FOXRED1: variants seen among roughly 807,000 people sequenced by gnomAD.
FOXRED1 encodes FAD-dependent oxidoreductase domain-containing protein 1.
In FOXRED1, 52 loss-of-function variants were observed where a neutral mutation model predicts 57.8. The ratio of observed to expected loss-of-function variants is 0.90; its 90% confidence interval spans 0.72 to 1.13. The LOEUF is 1.13. FOXRED1 is among the 50% of genes most tolerant of loss of function. The pLI is 0.00. For missense variants in FOXRED1, 589 were observed against 625.2 expected (o/e 0.94, Z 0.62); for synonymous variants, 271 against 248.3 (o/e 1.09, Z -0.86).
At position 126,277,364 on chromosome 11, in the gene FOXRED1, G is replaced by A; in HGVS notation, c.1207-71G>A. 6.4e-7 allele frequency: 1 copy of A among 1,566,628 alleles called. No individual in the cohort carries two copies. The highest frequency in any genetic ancestry group is 8.8e-7 in the Non-Finnish European group (1 of 1,138,480). On this transcript the variant is annotated intron_variant, in intron 10 of 10. Coordinates refer to ENST00000263578, the MANE Select transcript of FOXRED1 (RefSeq NM_017547.4). This position sits in a 1 kb window ranked among gnomAD's most constrained non-coding sequence, Gnocchi z 6.8. Reference sequence around the variant, plus strand: ...GCAGGTAGAGGGTACTCTGTGCTGAGCCCTGAGGGGAGTGAGGATGGAGTG... The same window carrying A: ...GCAGGTAGAGGGTACTCTGTGCTGAACCCTGAGGGGAGTGAGGATGGAGTG...
chr11:126,273,685 C>T lies in FOXRED1; in HGVS notation c.536+231C>T. 1.8e-6 allele frequency: 1 copy of T among 560,734 alleles called. No homozygotes were observed. Among genetic ancestry groups the T allele is most frequent in the Non-Finnish European group, 3.3e-6 (1 of 307,258 alleles). 34.7% of individuals were successfully genotyped at this position (560,734 alleles called of 1,614,324 possible). ...CTAATTTGTCAGATCATGAAAACCACCTGGAACACATCCCAGACCTAATAA... is the reference window on the plus strand; with the variant it reads ...CTAATTTGTCAGATCATGAAAACCATCTGGAACACATCCCAGACCTAATAA... On this transcript the variant is annotated intron_variant, in intron 4 of 10. Coordinates refer to ENST00000263578, the MANE Select transcript of FOXRED1 (RefSeq NM_017547.4). The surrounding 1 kb of genome is among the most constrained non-coding windows in gnomAD (Gnocchi z 5.9).
chr11:126,277,537 T>A lies in FOXRED1; in HGVS notation c.1309T>A (p.Phe437Ile). ...LVVNMYFATG[F>I]SGHGLQQAPG... The stretch of plus-strand genomic sequence containing the variant: ...TGTCAACATGTACTTTGCTACTGGC[T>A]TCAGTGGTCACGGGCTCCAGCAGGC... The change falls in exon 11 of 11, where the codon TTC becomes ATC. Residue 437 changes from phenylalanine (F) to isoleucine (I), a missense_variant. Phe to Ile is a conservative substitution (Grantham distance 21). Transcript: ENST00000263578. The surrounding 1 kb of genome is among the most constrained non-coding windows in gnomAD (Gnocchi z 6.8). 1 of 1,613,738 alleles carries A rather than the reference T, an allele frequency of 6.2e-7. No homozygotes were observed. The highest frequency in any genetic ancestry group is 8.5e-7 in the Non-Finnish European group (1 of 1,180,014).
Position 126,275,257 on chromosome 11 carries a change from G to A in FOXRED1, c.632-70G>A. The A allele has an allele frequency of 8.5e-7, 1 of 1,180,390 alleles. No individual in the cohort carries two copies. The highest frequency in any genetic ancestry group is 1.3e-6 in the Non-Finnish European group (1 of 785,626). The allele number at this position is 1,180,390 out of a possible 1,614,324, so 73.1% of individuals were successfully genotyped here. A position where few individuals can be genotyped will look rare whatever the true frequency, so the allele number is the denominator to read the frequency against. On this transcript the variant is annotated intron_variant, in intron 5 of 10. Coordinates refer to ENST00000263578, the MANE Select transcript of FOXRED1 (RefSeq NM_017547.4). This position sits in a 1 kb window ranked among gnomAD's most constrained non-coding sequence, Gnocchi z 5.9. ...TACAAGCCCTAGAGAGGGGTTGGGG[G>A]GCACAGGAAATACAATCCAAGAGCA...
At position 126,277,914 on chromosome 11, in the gene FOXRED1, T is replaced by G; in HGVS notation, c.*225T>G. 1 of 677,950 alleles carries G rather than the reference T, an allele frequency of 1.5e-6. No homozygotes were observed. The highest frequency in any genetic ancestry group is 2.7e-6 in the Non-Finnish European group (1 of 371,500). 42.0% of individuals were successfully genotyped at this position (677,950 alleles called of 1,614,324 possible). ...GATCCTAGGACTGATCTGTAGCCCA[T>G]GCTGATGTCACCCACCAGGGCAATC... On this transcript the variant is annotated 3_prime_UTR_variant, in exon 11 of 11. Coordinates refer to ENST00000263578, the MANE Select transcript of FOXRED1 (RefSeq NM_017547.4). This position sits in a 1 kb window ranked among gnomAD's most constrained non-coding sequence, Gnocchi z 6.8.
chr11:126,275,097 G>A lies in FOXRED1; in HGVS notation c.631+76G>A, dbSNP rs781217112. 2.0e-5 allele frequency: 20 copies of A among 1,013,382 alleles called. No homozygotes were observed. Among genetic ancestry groups the A allele is most frequent in the Non-Finnish European group, 2.8e-5 (18 of 638,204 alleles). The allele number at this position is 1,013,382 out of a possible 1,614,324, so 62.8% of individuals were successfully genotyped here. A position where few individuals can be genotyped will look rare whatever the true frequency, so the allele number is the denominator to read the frequency against. On this transcript the variant is annotated intron_variant, in intron 5 of 10. Coordinates refer to ENST00000263578, the MANE Select transcript of FOXRED1 (RefSeq NM_017547.4). This position sits in a 1 kb window ranked among gnomAD's most constrained non-coding sequence, Gnocchi z 5.9. ...AGGGGTGCTACACGTTGGGAGTCTCGGTACTCCACAGCCAAGCTGAAGGAG... is the reference window on the plus strand; with the variant it reads ...AGGGGTGCTACACGTTGGGAGTCTCAGTACTCCACAGCCAAGCTGAAGGAG...
At position 126,277,489 on chromosome 11, in the gene FOXRED1, G is replaced by T. The variant is rs199542988; in HGVS notation, c.1261G>T (p.Val421Leu). ...CTACAACACCTTTGACCAGAATGGC[G>T]TGGTGGGCCCCCACCCGCTAGTTGT... ...YDYNTFDQNG[V>L]VGPHPLVVNM... is the part of the protein sequence containing the mutation. Residue 421 changes from valine to leucine, a missense_variant, in exon 11 of 11, where the codon GTG becomes TTG. Coordinates refer to ENST00000263578, the MANE Select transcript of FOXRED1 (RefSeq NM_017547.4). This position sits in a 1 kb window ranked among gnomAD's most constrained non-coding sequence, Gnocchi z 6.8. 7.4e-6 allele frequency: 12 copies of T among 1,613,542 alleles called. No individual in the cohort carries two copies. Among genetic ancestry groups the T allele is most frequent in the South Asian group, 1.1e-5 (1 of 91,086 alleles).
Position 126,277,341 on chromosome 11 carries a change from A to C in FOXRED1, c.1207-94A>C. On this transcript the variant is annotated intron_variant, in intron 10 of 10. Coordinates refer to ENST00000263578, the MANE Select transcript of FOXRED1 (RefSeq NM_017547.4). The surrounding 1 kb of genome is among the most constrained non-coding windows in gnomAD (Gnocchi z 6.8). The stretch of plus-strand genomic sequence containing the variant: ...CCCATCCCATAGACCCCTCAGCAGC[A>C]GGTAGAGGGTACTCTGTGCTGAGCC... 1.4e-6 allele frequency: 2 copies of C among 1,436,512 alleles called. No individual in the cohort carries two copies. Among genetic ancestry groups the C allele is most frequent in the Middle Eastern group, 1.8e-4 (1 of 5,418 alleles). The allele number at this position is 1,436,512 out of a possible 1,614,324, so 89.0% of individuals were successfully genotyped here. A position where few individuals can be genotyped will look rare whatever the true frequency, so the allele number is the denominator to read the frequency against.
rs779912504 is a variant in FOXRED1, at chr11:126,277,614, G to A, written c.1386G>A (p.Gln462=). 9.9e-6 allele frequency: 16 copies of A among 1,613,768 alleles called. No individual in the cohort carries two copies. Among genetic ancestry groups the A allele is most frequent in the Non-Finnish European group, 1.4e-5 (16 of 1,179,972 alleles). ...VAEMVLKGRF[Q]TIDLSPFLFT... Reference sequence around the variant, plus strand: ...AGATGGTACTGAAGGGCAGGTTCCAGACCATCGACCTGAGCCCCTTCCTCT... The same window carrying A: ...AGATGGTACTGAAGGGCAGGTTCCAAACCATCGACCTGAGCCCCTTCCTCT... The change falls in exon 11 of 11, where the codon CAG becomes CAA. Residue 462 remains glutamine (Q), a synonymous_variant. Coordinates refer to ENST00000263578, the MANE Select transcript of FOXRED1 (RefSeq NM_017547.4). The surrounding 1 kb of genome is among the most constrained non-coding windows in gnomAD (Gnocchi z 6.8).
Position 126,277,331 on chromosome 11 carries a change from C to T in FOXRED1, c.1207-104C>T. On this transcript the variant is annotated intron_variant, in intron 10 of 10. Coordinates refer to ENST00000263578, the MANE Select transcript of FOXRED1 (RefSeq NM_017547.4). This position sits in a 1 kb window ranked among gnomAD's most constrained non-coding sequence, Gnocchi z 6.8. ...TTGGACACATCCCATCCCATAGACC[C>T]CTCAGCAGCAGGTAGAGGGTACTCT... The T allele has an allele frequency of 2.8e-6, 4 of 1,408,740 alleles. No individual in the cohort carries two copies. The highest frequency in any genetic ancestry group is 1.4e-5 in the African/African-American group (1 of 71,140). The allele number at this position is 1,408,740 out of a possible 1,614,324, so 87.3% of individuals were successfully genotyped here.
chr11:126,271,374 T>G lies in FOXRED1; in HGVS notation c.86-63T>G. On this transcript the variant is annotated intron_variant, in intron 1 of 10. Transcript: ENST00000263578. The surrounding 1 kb of genome is among the most constrained non-coding windows in gnomAD (Gnocchi z 5.3). ...AGCTCACCTTTTCCTGTGCCCATCC[T>G]CCAACCCCCCAACCATGTGGGAAGG... is the stretch of plus-strand genomic sequence containing the variant. 1 of 1,277,846 alleles carries G rather than the reference T, an allele frequency of 7.8e-7. No individual in the cohort carries two copies. The highest frequency in any genetic ancestry group is 1.1e-6 in the Non-Finnish European group (1 of 873,956). The allele number at this position is 1,277,846 out of a possible 1,614,324, so 79.2% of individuals were successfully genotyped here.
chr11:126,270,614 G>A (rs1426164262), intron 1 of FOXRED1, among the ~76,000 whole-genome samples: 4 of 152,180 alleles, frequency 2.6e-5, no homozygotes, highest in African/African-American at 9.7e-5. Context: ...GTGCCATCAA[G>A]GAACTAAAGG....
rs1263906679 is a variant in FOXRED1, at chr11:126,275,197, T to C, written c.632-130T>C. ...TCTGTCCTTCATCAGGCTTTGTCTC[T>C]GTGGTTCAGTTGGTTAAGATGACCT... On this transcript the variant is annotated intron_variant, in intron 5 of 10. Transcript: ENST00000263578. This position sits in a 1 kb window ranked among gnomAD's most constrained non-coding sequence, Gnocchi z 5.9. 1.2e-6 allele frequency: 1 copy of C among 834,924 alleles called. No individual in the cohort carries two copies. Among genetic ancestry groups the C allele is most frequent in the Non-Finnish European group, 2.0e-6 (1 of 489,736 alleles). 51.7% of individuals were successfully genotyped at this position (834,924 alleles called of 1,614,324 possible).
rs373690055 is a variant in FOXRED1 at position 126,269,169 on chromosome 11, G to A, written c.-38G>A. 8.2e-6 allele frequency: 12 copies of A among 1,460,856 alleles called. No individual in the cohort carries two copies. The highest frequency in any genetic ancestry group is 2.3e-5 in the East Asian group (1 of 44,126). The allele number at this position is 1,460,856 out of a possible 1,614,324, so 90.5% of individuals were successfully genotyped here. A position where few individuals can be genotyped will look rare whatever the true frequency, so the allele number is the denominator to read the frequency against. The stretch of plus-strand genomic sequence containing the variant: ...TGACGGCTGCGATAATAGCGAGGCA[G>A]CAGTGCAGCTTTCAGAGGGTCCGGG... On this transcript the variant is annotated 5_prime_UTR_variant, in exon 1 of 11. Transcript: ENST00000263578.
intron 1 of FOXRED1, 120 bp downstream of exon 1, chr11:126,269,411 A>G (rs780154875): frequency 1.9e-6 from 3 of 1,579,634 alleles, no homozygotes; most frequent in Admixed American, 3.7e-5. Flanking sequence ...GGCTTGGGGA[A>G]GGGGGTTAGC....
rs1442757189 is a variant in FOXRED1 at position 126,271,721 on chromosome 11, C to T, written c.306+64C>T. On this transcript the variant is annotated intron_variant, in intron 2 of 10. Transcript: ENST00000263578. This position sits in a 1 kb window ranked among gnomAD's most constrained non-coding sequence, Gnocchi z 5.3. Reference sequence around the variant, plus strand: ...GAAAGATGACTCATTTTATTAAGGACTCTAGCGACAAGGGAAGGAGAGGAG... The same window carrying T: ...GAAAGATGACTCATTTTATTAAGGATTCTAGCGACAAGGGAAGGAGAGGAG... The T allele has an allele frequency of 7.6e-7, 1 of 1,313,078 alleles. No homozygotes were observed. The highest frequency in any genetic ancestry group is 1.2e-5 in the South Asian group (1 of 84,268). 81.3% of individuals were successfully genotyped at this position (1,313,078 alleles called of 1,614,324 possible). A position where few individuals can be genotyped will look rare whatever the true frequency, so the allele number is the denominator to read the frequency against.
Position 126,273,097 on chromosome 11 carries a change from C to T in FOXRED1, c.417+18C>T, listed in dbSNP as rs777504068. ...ACATCAATGTAGGTGCAATGATATC[C>T]GGGATGTTGGGGTGGTTACCCCTCC... On this transcript the variant is annotated intron_variant, in intron 3 of 10. Coordinates refer to ENST00000263578, the MANE Select transcript of FOXRED1 (RefSeq NM_017547.4). The surrounding 1 kb of genome is among the most constrained non-coding windows in gnomAD (Gnocchi z 5.9). 218 of 1,373,192 alleles carry T rather than the reference C, an allele frequency of 1.6e-4. No homozygotes were observed. The highest frequency in any genetic ancestry group is 7.1e-4 in the Middle Eastern group (4 of 5,630). 85.1% of individuals were successfully genotyped at this position (1,373,192 alleles called of 1,614,324 possible).
At chr11:126,270,749 A>G (rs1029740071) in intron 1 of FOXRED1, among the ~76,000 whole-genome samples, 1 of 152,192 alleles carries the variant, frequency 6.6e-6, no homozygotes, top group Admixed American at 6.5e-5. Flanking sequence ...GTTTTAAGCA[A>G]GAGGGTTTGT....
rs1951023413 is a variant in FOXRED1 at position 126,272,730 on chromosome 11, A to C, written c.307-239A>C. The C allele has an allele frequency of 3.4e-6, 2 of 594,324 alleles. No homozygotes were observed. The highest frequency in any genetic ancestry group is 2.8e-5 in the Admixed American group (1 of 35,714). The allele number at this position is 594,324 out of a possible 1,614,324, so 36.8% of individuals were successfully genotyped here. A position where few individuals can be genotyped will look rare whatever the true frequency, so the allele number is the denominator to read the frequency against. Reference sequence around the variant, plus strand: ...GCCCTTGGACTTCCAGGCCATTACCATTTTGTACCACTGTGTCAGCTCTTT... The same window carrying C: ...GCCCTTGGACTTCCAGGCCATTACCCTTTTGTACCACTGTGTCAGCTCTTT... On this transcript the variant is annotated intron_variant, in intron 2 of 10. Transcript: ENST00000263578. The surrounding 1 kb of genome is among the most constrained non-coding windows in gnomAD (Gnocchi z 4.6).
In FOXRED1 at chr11:126,273,007, T is replaced by A; in HGVS notation, c.345T>A (p.Ile115=). Residue 115 remains isoleucine, a synonymous_variant, in exon 3 of 11, where the codon ATT becomes ATA. Transcript: ENST00000263578. The surrounding 1 kb of genome is among the most constrained non-coding windows in gnomAD (Gnocchi z 5.9). ...CCACTGGGCTCTCAGTAGGTGGGAT[T>A]TGTCAGCAGTTCTCATTGCCTGAGA... ...QASTGLSVGG[I]CQQFSLPENI... 2 of 1,608,618 alleles carry A rather than the reference T, an allele frequency of 1.2e-6. No individual in the cohort carries two copies. Among genetic ancestry groups the A allele is most frequent in the Non-Finnish European group, 1.7e-6 (2 of 1,174,844 alleles).
Sources: gnomAD v4.1 joint callset for allele counts (sites outside exome capture counted in the v4.1 genomes callset) on GRCh38, gnomAD v4.1.1 for gene constraint, Gnocchi (gnomAD v3.1) non-coding constraint, MANE v1.5 for transcripts, NCBI Gene and HGNC (gene_info 2026-07-23, HGNC 2026-07-21) for gene names.